The following EHMT2 variants were observed in gnomAD, a reference collection of about 807,000 sequenced individuals.
EHMT2 encodes euchromatic histone lysine methyltransferase 2.
In EHMT2, 59 loss-of-function variants were observed where a neutral mutation model predicts 143.3. That is an observed-to-expected ratio of 0.41 (90% confidence interval 0.33 to 0.51). The LOEUF (loss-of-function observed/expected upper bound fraction) is 0.51, where lower values mean the gene tolerates loss of function less well. Among genes scored for constraint, EHMT2 ranks in the 20% least tolerant of loss-of-function variants. The probability of loss-of-function intolerance (pLI) is 0.18; values close to 1 mark genes in which losing one functional copy is unlikely to be tolerated. For missense variants in EHMT2, 1,174 were observed against 1,645.9 expected (o/e 0.71, Z 4.96); for synonymous variants, 604 against 651.5 (o/e 0.93, Z 1.11).
Position 31,888,014 on chromosome 6 carries a change from G to C in EHMT2, c.1745+27C>G. 2 of 1,569,180 alleles carry C rather than the reference G, an allele frequency of 1.3e-6. No individual in the cohort carries two copies. Among genetic ancestry groups the C allele is most frequent in the South Asian group, 2.4e-5 (2 of 84,556 alleles). ...AGCAATAGGGGTGGGGGAGGGAACAGACAGTACAGAAGGGGGAGGCCAGTA... is the reference window on the plus strand; with the variant it reads ...AGCAATAGGGGTGGGGGAGGGAACACACAGTACAGAAGGGGGAGGCCAGTA... On this transcript the variant is annotated intron_variant, in intron 13 of 27. Transcript: ENST00000375537. The surrounding 1 kb of genome is among the most constrained non-coding windows in gnomAD (Gnocchi z 7.4).
chr6:31,888,761 A>G lies in EHMT2; in HGVS notation c.1217-14T>C. On this transcript the variant is annotated splice_polypyrimidine_tract_variant and intron_variant, in intron 10 of 27. Coordinates refer to ENST00000375537, the Ensembl canonical transcript of EHMT2. This position sits in a 1 kb window ranked among gnomAD's most constrained non-coding sequence, Gnocchi z 7.4. ...CATTGGACACCCCTTGGATGGAGGAAAAGAGGAGCTGAGGGAGGCTCTGCA... is the reference window on the plus strand; with the variant it reads ...CATTGGACACCCCTTGGATGGAGGAGAAGAGGAGCTGAGGGAGGCTCTGCA... 6.2e-7 allele frequency: 1 copy of G among 1,611,672 alleles called. No homozygotes were observed. Among genetic ancestry groups the G allele is most frequent in the Non-Finnish European group, 8.5e-7 (1 of 1,179,826 alleles).
chr6:31,882,147 G>T (rs1764190080), intron 25 of EHMT2, among the ~76,000 whole-genome samples: 1 of 151,024 alleles, frequency 6.6e-6, no homozygotes, highest in East Asian at 1.9e-4. Context: ...AGCCAAAGGA[G>T]ACTAAAGTAA....
intron 18 of EHMT2, chr6:31,886,313 C>T: frequency 2.0e-6 from 1 of 507,092 alleles, no homozygotes; most frequent in Non-Finnish European, 3.5e-6. Flanking sequence ...AAAACACATC[C>T]AATGTATGAC....
rs762831338 is a variant in EHMT2, at chr6:31,883,794, C to G, written c.2916+12G>C. On this transcript the variant is annotated intron_variant, in intron 22 of 27. Transcript: ENST00000375537. This position sits in a 1 kb window ranked among gnomAD's most constrained non-coding sequence, Gnocchi z 5.6. ...GGTGTCCTTTTGGGGAGGCCCCGGGCCCCCTACTCACCTGCAGGTGGGTGA... is the reference window on the plus strand; with the variant it reads ...GGTGTCCTTTTGGGGAGGCCCCGGGGCCCCTACTCACCTGCAGGTGGGTGA... 14 of 1,612,678 alleles carry G rather than the reference C, an allele frequency of 8.7e-6. No homozygotes were observed. In the East Asian group the frequency reaches 2.7e-4, roughly 31 times the overall value.
At position 31,889,667 on chromosome 6, in the gene EHMT2, AACC is replaced by A; in HGVS notation, c.865-68_865-66del. On this transcript the variant is annotated intron_variant, in intron 7 of 27. Coordinates refer to ENST00000375537, the Ensembl canonical transcript of EHMT2. The surrounding 1 kb of genome is among the most constrained non-coding windows in gnomAD (Gnocchi z 5.1). ...CTCAGACAATGAGGTGAGTAAAGAA[AACC>A]ACCACCACCATTGCCCCCCGCCACT... 1 of 1,594,890 alleles carries A rather than the reference AACC, an allele frequency of 6.3e-7. No homozygotes were observed. Among genetic ancestry groups the A allele is most frequent in the Non-Finnish European group, 8.5e-7 (1 of 1,175,772 alleles).
intron 18 of EHMT2, chr6:31,885,827 T>C (rs545165937): frequency 3.9e-4 from 59 of 152,234 alleles, no homozygotes; most frequent in African/African-American, 1.3e-3. Context: ...GGAACATAGA[T>C]TGTATTCTCT....
exon 16 of EHMT2, chr6:31,887,074 C>T (rs756276566): frequency 6.2e-7 from 1 of 1,610,616 alleles, no homozygotes; most frequent in East Asian, 2.2e-5. Flanking sequence ...CTGCTGGTCG[C>T]TCTGGAAGTT....
Position 31,880,315 on chromosome 6 carries a change from C to T in EHMT2, c.3453-51G>A, listed in dbSNP as rs747507134. 10 of 1,584,882 alleles carry T rather than the reference C, an allele frequency of 6.3e-6. No individual in the cohort carries two copies. Among genetic ancestry groups the T allele is most frequent in the South Asian group, 1.1e-5 (1 of 88,884 alleles). ...GGGACCTGGACCCAGCCACCAAGAG[C>T]CCACCCCGAAGACCCTGTGGATCCT... On this transcript the variant is annotated intron_variant, in intron 27 of 27. Transcript: ENST00000375537. The surrounding 1 kb of genome is among the most constrained non-coding windows in gnomAD (Gnocchi z 6.6).
chr6:31,888,414 G>T lies in EHMT2; in HGVS notation c.1458C>A (p.Ala486=), dbSNP rs749259014. 6.2e-7 allele frequency: 1 copy of T among 1,612,878 alleles called. No individual in the cohort carries two copies. Among genetic ancestry groups the T allele is most frequent in the Non-Finnish European group, 8.5e-7 (1 of 1,179,952 alleles). Residue 486 remains alanine (A), a synonymous_variant, in exon 12 of 28, where the codon GCC becomes GCA. Transcript: ENST00000375537. The surrounding 1 kb of genome is among the most constrained non-coding windows in gnomAD (Gnocchi z 7.4). ...GGCAGCAGTGGTGTTTGACCATGCG[G>T]GCGCGGTGGGTCTCACAGAGCACCA...
At chr6:31,897,054 G>A (rs199812430) in intron 1 of EHMT2, 65 bp from the exon 2 acceptor site, 7 of 1,508,168 alleles carry the variant, frequency 4.6e-6, no homozygotes, top group Non-Finnish European at 6.2e-6. Context: ...GGTCCAGGAT[G>A]CCTGGGCCCT....
exon 4 of EHMT2, chr6:31,896,480 T>C (rs1766458912): frequency 1.2e-6 from 2 of 1,612,848 alleles, no homozygotes; most frequent in African/African-American, 2.7e-5. Context: ...GGAACCCCCC[T>C]TGCTGGGGGA....
rs775838899 is a variant in EHMT2 at position 31,889,220 on chromosome 6, C to A, written c.1114+8G>T. On this transcript the variant is annotated splice_region_variant and intron_variant, in intron 9 of 27. Transcript: ENST00000375537. The surrounding 1 kb of genome is among the most constrained non-coding windows in gnomAD (Gnocchi z 5.1). ...GGAGGGCACCCAAAAGCAGCAGAGCCTCCTCACCTCGTGGCTCCTTGGCCC... is the reference window on the plus strand; with the variant it reads ...GGAGGGCACCCAAAAGCAGCAGAGCATCCTCACCTCGTGGCTCCTTGGCCC... The A allele has an allele frequency of 6.2e-7, 1 of 1,600,060 alleles. No individual in the cohort carries two copies. Among genetic ancestry groups the A allele is most frequent in the Non-Finnish European group, 8.5e-7 (1 of 1,174,214 alleles).
In EHMT2 at chr6:31,880,518, C is replaced by A; in HGVS notation, c.3452+155G>T. ...CTCTCTGGGAGGCACAGGACTGTTTCCCCAAGTCCTCCAGGAAATACTTAT... is the reference window on the plus strand; with the variant it reads ...CTCTCTGGGAGGCACAGGACTGTTTACCCAAGTCCTCCAGGAAATACTTAT... On this transcript the variant is annotated intron_variant, in intron 27 of 27. Coordinates refer to ENST00000375537, the Ensembl canonical transcript of EHMT2. The surrounding 1 kb of genome is among the most constrained non-coding windows in gnomAD (Gnocchi z 6.6). 2.2e-6 allele frequency: 2 copies of A among 920,724 alleles called. No homozygotes were observed. Among genetic ancestry groups the A allele is most frequent in the Non-Finnish European group, 3.2e-6 (2 of 624,230 alleles). 57.0% of individuals were successfully genotyped at this position (920,724 alleles called of 1,614,324 possible).
intron 1 of EHMT2, chr6:31,897,321 G>C: frequency 1.9e-6 from 1 of 534,996 alleles, no homozygotes; most frequent in Non-Finnish European, 2.8e-6. Context: ...GGGACCCCGG[G>C]CACCAACCCC....
At position 31,879,807 on chromosome 6, in the gene EHMT2, A is replaced by G. The variant is rs182768359; in HGVS notation, c.*277T>C. ...TTGAGAACAAAAGGAACCAGTTGGCATAGAGGCCCGACTTCAATTCATCAA... is the reference window on the plus strand; with the variant it reads ...TTGAGAACAAAAGGAACCAGTTGGCGTAGAGGCCCGACTTCAATTCATCAA... On this transcript the variant is annotated 3_prime_UTR_variant, in exon 28 of 28. Transcript: ENST00000375537. The G allele has an allele frequency of 6.3e-5, 32 of 509,376 alleles. No individual in the cohort carries two copies. The Admixed American group carries it at 9.5e-4, about 15-fold the overall frequency. 31.6% of individuals were successfully genotyped at this position (509,376 alleles called of 1,614,324 possible).
intron 1 of EHMT2, 95 bp downstream of exon 1, chr6:31,897,541 C>T: frequency 4.9e-6 from 5 of 1,024,916 alleles, no homozygotes; most frequent in Non-Finnish European, 6.0e-6. Flanking sequence ...CCGGGCCCCC[C>T]GGCCCCGTTG....
Position 31,883,616 on chromosome 6 carries a change from G to T in EHMT2, c.2917-177C>A. The T allele has an allele frequency of 9.9e-7, 1 of 1,007,776 alleles. No homozygotes were observed. 62.4% of individuals were successfully genotyped at this position (1,007,776 alleles called of 1,614,324 possible). ...GTATGGTGGTGTCCCCAGGGCTACT[G>T]GGAGCTCATATGATACCTTGCTGTG... On this transcript the variant is annotated intron_variant, in intron 22 of 27. Transcript: ENST00000375537. The surrounding 1 kb of genome is among the most constrained non-coding windows in gnomAD (Gnocchi z 5.6).
At position 31,892,845 on chromosome 6, in the gene EHMT2, T is replaced by C. The variant is rs145404362; in HGVS notation, c.648A>G (p.Ser216=). 1,766 of 1,604,788 alleles carry C rather than the reference T, an allele frequency of 1.1e-3. 4 individuals are homozygous for C. The highest frequency in any genetic ancestry group is 1.4e-3 in the Non-Finnish European group (1,604 of 1,175,276). ...ACTGACCTGAGGTCACCTTTCCCAG[T>C]GAGTGGACATCATCACTCATGCGGA... Residue 216 remains serine, a synonymous_variant, in exon 5 of 28, where the codon TCA becomes TCG. Coordinates refer to ENST00000375537, the Ensembl canonical transcript of EHMT2.
chr6:31,880,854 G>A lies in EHMT2; in HGVS notation c.3277-6C>T, dbSNP rs1764017368. On this transcript the variant is annotated splice_region_variant and splice_polypyrimidine_tract_variant and intron_variant, in intron 26 of 27. Transcript: ENST00000375537. This position sits in a 1 kb window ranked among gnomAD's most constrained non-coding sequence, Gnocchi z 6.6. ...ATGCAGTACACCTCTCCATCCTGGG[G>A]CAGGGGGATGGCACTCTTCACATCT... 1 of 1,613,330 alleles carries A rather than the reference G, an allele frequency of 6.2e-7. No homozygotes were observed. The highest frequency in any genetic ancestry group is 1.3e-5 in the African/African-American group (1 of 74,864).
Sources: allele counts gnomAD v4.1 joint callset (sites outside exome capture counted in the v4.1 genomes callset), GRCh38; gene constraint gnomAD v4.1.1; non-coding constraint Gnocchi (gnomAD v3.1); transcripts MANE v1.5; gene names NCBI Gene and HGNC (gene_info 2026-07-23, HGNC 2026-07-21).